Variants in IL36A observed in about 807,000 individuals in gnomAD.
IL36A encodes interleukin-36 alpha.
Under a neutral mutation model 12.7 loss-of-function variants are expected in IL36A, and 13 were observed. That is an observed-to-expected ratio of 1.02 (90% CI 0.67 to 1.63). IL36A has a LOEUF of 1.63. IL36A is among the 40% of genes most tolerant of loss of function. IL36A has a pLI of 0.00. For missense variants in IL36A, 195 were observed against 192.9 expected, an observed-to-expected ratio of 1.01 and a Z score of -0.07; for synonymous variants, 73 against 71.9, an observed-to-expected ratio of 1.01 and a Z score of -0.08.
At chr2:113,006,204 T>G (rs1480373346) in intron 2 of IL36A, 117 bp downstream of exon 2, 2 of 719,514 alleles carry the variant, frequency 2.8e-6, no homozygotes, top group Non-Finnish European at 5.0e-6. Context: ...GAGAGGAGCA[T>G]CTCACAGACA....
Position 113,005,884 on chromosome 2 carries a change from A to G in IL36A, c.10+3A>G, listed in dbSNP as rs533989566. 1.3e-5 allele frequency: 21 copies of G among 1,614,118 alleles called. No homozygotes were observed. The African/African-American group carries it at 2.5e-4, about 19-fold the overall frequency. On this transcript the variant is annotated splice_donor_region_variant and intron_variant, in intron 1 of 3. Coordinates refer to ENST00000259211, the MANE Select transcript of IL36A (RefSeq NM_014440.3). The stretch of plus-strand genomic sequence containing the variant: ...CAACACCACCACAATGGAAAAAGGT[A>G]AAGATCCTCGTGGAAGGGCGAAAAA...
rs376568289 is a variant in IL36A at position 113,007,865 on chromosome 2, G to A, written c.298G>A (p.Glu100Lys). 63 of 1,613,950 alleles carry A rather than the reference G, an allele frequency of 3.9e-5. No individual in the cohort carries two copies. The highest frequency in any genetic ancestry group is 4.7e-5 in the Non-Finnish European group (56 of 1,179,982). ...TATAATGGATTTGTACAACCAACCCGAGCCTGTGAAGTCCTTTCTCTTCTA... is the reference window on the plus strand; with the variant it reads ...TATAATGGATTTGTACAACCAACCCAAGCCTGTGAAGTCCTTTCTCTTCTA... ...KDIMDLYNQPEPVKSFLFYHS... is the reference protein window; with the variant it reads ...KDIMDLYNQPKPVKSFLFYHS... Residue 100 changes from glutamate (E) to lysine (K), a missense_variant, in exon 4 of 4, where the codon GAG (glutamate) becomes AAG (lysine). Coordinates refer to ENST00000259211, the MANE Select transcript of IL36A (RefSeq NM_014440.3).
At position 113,006,605 on chromosome 2, in the gene IL36A, T is replaced by G; in HGVS notation, c.132T>G (p.Ile44Met). The G allele has an allele frequency of 6.2e-7, 1 of 1,614,052 alleles. No individual in the cohort carries two copies. Residue 44 changes from isoleucine to methionine, a missense_variant, in exon 3 of 4, where the codon ATT becomes ATG. Transcript: ENST00000259211. ...TTCACATCGTGTTCCCAGTCACTAT[T>G]GCCTTAATCTCATGCCGACATGTGG... is the stretch of plus-strand genomic sequence containing the variant. ...PRKDRMSPVT[I>M]ALISCRHVET...
chr2:113,009,135 A>G (rs1157212611), downstream of IL36A, among the ~76,000 whole-genome samples: 1 of 151,738 alleles, frequency 6.6e-6, no homozygotes, highest in Non-Finnish European at 1.5e-5. Context: ...CCATGTCCCT[A>G]CAAAGGACAT....
rs1684628883 is a variant in IL36A at position 113,006,684 on chromosome 2, A to C, written c.211A>C (p.Asn71His). The change falls in exon 3 of 4, where the codon AAT (asparagine) becomes CAT (histidine). Residue 71 changes from asparagine to histidine, a missense_variant. Coordinates refer to ENST00000259211, the MANE Select transcript of IL36A (RefSeq NM_014440.3). ...CATCTACCTGGGCCTGAATGGACTCAATCTCTGCCTGATGTGTGCTAAAGT... is the reference window on the plus strand; with the variant it reads ...CATCTACCTGGGCCTGAATGGACTCCATCTCTGCCTGATGTGTGCTAAAGT... ...NPIYLGLNGLNLCLMCAKVGD... is the reference protein window; with the variant it reads ...NPIYLGLNGLHLCLMCAKVGD... 6.2e-7 allele frequency: 1 copy of C among 1,614,038 alleles called. No individual in the cohort carries two copies.
At chr2:113,008,806 C>CCT (rs1558825430), downstream of IL36A, among the ~76,000 whole-genome samples, 1 of 144,414 alleles carries the variant, frequency 6.9e-6, no homozygotes, top group Admixed American at 6.9e-5. Flanking sequence ...ATGAAGCTTT[C>CCT]TTTTTTTTTT....
Position 113,006,049 on chromosome 2 carries a change from C to T in IL36A, c.86C>T (p.Thr29Met), listed in dbSNP as rs539941311. ...CGGGTGTGGGTTCTTCAGGACCAGACGCTCATAGCAGTCCCGAGGAAGGAC... is the reference window on the plus strand; with the variant it reads ...CGGGTGTGGGTTCTTCAGGACCAGATGCTCATAGCAGTCCCGAGGAAGGAC... ...NHRVWVLQDQTLIAVPRKDRM... is the reference protein window; with the variant it reads ...NHRVWVLQDQMLIAVPRKDRM... Residue 29 changes from threonine (T) to methionine (M), a missense_variant, in exon 2 of 4, where the codon ACG becomes ATG. Thr to Met is a moderately conservative substitution (Grantham distance 81). Coordinates refer to ENST00000259211, the MANE Select transcript of IL36A (RefSeq NM_014440.3). 8 of 1,613,852 alleles carry T rather than the reference C, an allele frequency of 5.0e-6. No individual in the cohort carries two copies. The highest frequency in any genetic ancestry group is 3.3e-5 in the South Asian group (3 of 91,074).
chr2:113,008,058 T>G, downstream of IL36A: 2 of 1,601,232 alleles, frequency 1.2e-6, no homozygotes, highest in Non-Finnish European at 1.7e-6. Flanking sequence ...CAGTTGGGTT[T>G]GGAGGATAGT....
At chr2:113,010,453 G>A (rs1458023093), downstream of IL36A, among the ~76,000 whole-genome samples, 1 of 152,216 alleles carries the variant, frequency 6.6e-6, no homozygotes, top group African/African-American at 2.4e-5. Flanking sequence ...GAGAGTGAAA[G>A]GGGTCTATGA....
chr2:113,006,040 A>G lies in IL36A; in HGVS notation c.77A>G (p.Gln26Arg). Residue 26 changes from glutamine to arginine, a missense_variant, in exon 2 of 4, where the codon CAG becomes CGG. By Grantham distance (43) the Gln-to-Arg change is conservative. Transcript: ENST00000259211. The stretch of plus-strand genomic sequence containing the variant: ...ATCAATCATCGGGTGTGGGTTCTTC[A>G]GGACCAGACGCTCATAGCAGTCCCG... Reference protein sequence around the residue: ...QDINHRVWVLQDQTLIAVPRK... With the variant: ...QDINHRVWVLRDQTLIAVPRK... The G allele has an allele frequency of 6.2e-7, 1 of 1,614,130 alleles. No homozygotes were observed. Among genetic ancestry groups the G allele is most frequent in the Non-Finnish European group, 8.5e-7 (1 of 1,179,970 alleles).
chr2:113,009,547 T>C (rs576722295), downstream of IL36A, among the ~76,000 whole-genome samples: 1 of 152,188 alleles, frequency 6.6e-6, no homozygotes, highest in Non-Finnish European at 1.5e-5. Context: ...CAAATGGCTT[T>C]AGTGGAATAT....
chr2:113,008,908 A>G (rs1341423474), downstream of IL36A, among the ~76,000 whole-genome samples: 4 of 150,570 alleles, frequency 2.7e-5, no homozygotes, highest in East Asian at 2.0e-4. Context: ...CCATGCTGGT[A>G]TGCTGCACCC....
In IL36A at chr2:113,007,991, C is replaced by T. The variant is rs1371985553; in HGVS notation, c.424C>T (p.Gln142Ter). Residue 142 changes from glutamine to a stop codon, truncating the protein, a stop_gained, in exon 4 of 4, where the codon CAA becomes TAA. Coordinates refer to ENST00000259211, the MANE Select transcript of IL36A (RefSeq NM_014440.3). LOFTEE classifies it low-confidence loss of function (END_TRUNC). ...AGGAGGCTGTCCTCTCATCCTTACC[C>T]AAGAACTGGGGAAAGCCAACACTAC... is the stretch of plus-strand genomic sequence containing the variant. ...SEGGCPLILT[Q>*]ELGKANTTDF... 1.2e-6 allele frequency: 2 copies of T among 1,614,228 alleles called. No individual in the cohort carries two copies. Among genetic ancestry groups the T allele is most frequent in the East Asian group, 4.5e-5 (2 of 44,884 alleles).
chr2:113,006,549 C>T (rs1457330749), intron 2 of IL36A, 49 bp from the exon 3 acceptor site: 3 of 1,609,020 alleles, frequency 1.9e-6, no homozygotes, highest in South Asian at 1.1e-5. Flanking sequence ...CTCAGAGGTA[C>T]CACCCTGGAA....
At chr2:113,007,777 T>C (rs1376934207) in intron 3 of IL36A, 55 bp from the exon 4 acceptor site, 28 of 1,401,170 alleles carry the variant, frequency 2.0e-5, no homozygotes, top group Non-Finnish European at 2.6e-5. Flanking sequence ...GTGTAAAGAA[T>C]GTGAAACATT....
At position 113,005,888 on chromosome 2, in the gene IL36A, A is replaced by T; in HGVS notation, c.10+7A>T. ...ACCACCACAATGGAAAAAGGTAAAG[A>T]TCCTCGTGGAAGGGCGAAAAATTGA... On this transcript the variant is annotated splice_region_variant and intron_variant, in intron 1 of 3. Transcript: ENST00000259211. 9 of 1,614,072 alleles carry T rather than the reference A, an allele frequency of 5.6e-6. No homozygotes were observed. The highest frequency in any genetic ancestry group is 6.8e-6 in the Non-Finnish European group (8 of 1,179,994).
In IL36A at chr2:113,005,593, T is replaced by TG; in HGVS notation, c.-277dup. 1.8e-6 allele frequency: 1 copy of TG among 555,576 alleles called. No individual in the cohort carries two copies. The highest frequency in any genetic ancestry group is 2.2e-5 in the South Asian group (1 of 46,328). The allele number at this position is 555,576 out of a possible 1,614,324, so 34.4% of individuals were successfully genotyped here. On this transcript the variant is annotated 5_prime_UTR_variant, in exon 1 of 4. It introduces an in-frame stop codon into an upstream open reading frame of the 5' UTR. Transcript: ENST00000259211. ...TTTTTTGCTTCCAGGTCTTTGGCCT[T>TG]GGCACTCTTTGTCATATTAGAGTTC...
At chr2:113,009,987 C>T (rs557665218), downstream of IL36A, among the ~76,000 whole-genome samples, 1 of 152,012 alleles carries the variant, frequency 6.6e-6, no homozygotes, top group East Asian at 1.9e-4. Flanking sequence ...CTTTTTAATC[C>T]TCTCTTATTT....
At chr2:113,007,065 G>C (rs1271748137) in intron 3 of IL36A, among the ~76,000 whole-genome samples, 1 of 151,826 alleles carries the variant, frequency 6.6e-6, no homozygotes, top group Non-Finnish European at 1.5e-5. Context: ...CATCTTTTTG[G>C]CAAAAAATAC....
Sources: gnomAD v4.1 joint callset for allele counts (sites outside exome capture counted in the v4.1 genomes callset) on GRCh38, gnomAD v4.1.1 for gene constraint, MANE v1.5 for transcripts, NCBI Gene and HGNC (gene_info 2026-07-23, HGNC 2026-07-21) for gene names.